SORBS2: variants seen among roughly 807,000 people sequenced by gnomAD.
SORBS2 encodes the protein sorbin and SH3 domain-containing protein 2.
In SORBS2, 46 loss-of-function variants were observed where a neutral mutation model predicts 97.7. The observed-to-expected ratio is 0.47, with a 90% CI of 0.37 to 0.60. SORBS2 has a LOEUF of 0.60. Among genes scored for constraint, SORBS2 ranks in the 20% least tolerant of loss-of-function variants. The pLI is 0.00. For synonymous variants in SORBS2, 476 were observed against 473.4 expected (o/e 1.01, Z -0.07); for missense variants, 1,316 against 1,282.3 (o/e 1.03, Z -0.40).
chr4:185,920,864 T>A (rs956791289), intron 1 of SORBS2, among the ~76,000 whole-genome samples: 1 of 152,208 alleles, frequency 6.6e-6, no homozygotes, highest in African/African-American at 2.4e-5. Context: ...ACAAAAGTCA[T>A]CTGTACAAAT....
intron 4 of SORBS2, among the ~76,000 whole-genome samples, chr4:185,672,940 A>G (rs2097734680): frequency 1.3e-5 from 2 of 152,250 alleles, no homozygotes; most frequent in Non-Finnish European, 2.9e-5. Context: ...GAAGCATATC[A>G]CAATCATCAA....
At chr4:185,912,351 G>A (rs534623968) in intron 1 of SORBS2, among the ~76,000 whole-genome samples, 156 of 151,950 alleles carry the variant, frequency 1.0e-3, no homozygotes, top group African/African-American at 3.6e-3. Flanking sequence ...TTGGAAGGCC[G>A]AGGCGGGTGG....
At chr4:185,912,603 A>G (rs902964113) in intron 1 of SORBS2, among the ~76,000 whole-genome samples, 1 of 151,276 alleles carries the variant, frequency 6.6e-6, no homozygotes, top group Non-Finnish European at 1.5e-5. Context: ...AAAAAAAAAA[A>G]AAAAAAAAGA....
intron 1 of SORBS2, among the ~76,000 whole-genome samples, chr4:185,922,649 T>G (rs2099261440): frequency 6.6e-6 from 1 of 152,240 alleles, no homozygotes; most frequent in South Asian, 2.1e-4. Flanking sequence ...TTCTCCTTCA[T>G]GAAATTACAG....
At chr4:185,793,853 C>T (rs898742932) in intron 1 of SORBS2, among the ~76,000 whole-genome samples, 29 of 152,120 alleles carry the variant, frequency 1.9e-4, no homozygotes, top group African/African-American at 6.3e-4. Context: ...TTACAGAGAC[C>T]AAGCCTGTGG....
At chr4:185,889,767 A>G (rs7656292) in intron 1 of SORBS2, among the ~76,000 whole-genome samples, 110,493 of 152,004 alleles carry the variant, frequency 0.73, 40,188 homozygotes, top group Middle Eastern at 0.82. Context: ...TCCATTGGAT[A>G]TAATGAGGCT....
chr4:185,903,214 A>G (rs957927728), intron 1 of SORBS2, among the ~76,000 whole-genome samples: 1 of 152,220 alleles, frequency 6.6e-6, no homozygotes, highest in African/African-American at 2.4e-5. Flanking sequence ...ATAGGAAATG[A>G]TTTGATATCT....
upstream of SORBS2, among the ~76,000 whole-genome samples, chr4:185,659,034 T>G (rs2097461779): frequency 6.6e-6 from 1 of 152,100 alleles, no homozygotes; most frequent in Non-Finnish European, 1.5e-5. Context: ...AAATTTTAAC[T>G]CATCAATATA....
At chr4:185,884,239 C>T (rs2099238244) in intron 1 of SORBS2, among the ~76,000 whole-genome samples, 1 of 152,082 alleles carries the variant, frequency 6.6e-6, no homozygotes, top group Non-Finnish European at 1.5e-5. Flanking sequence ...TTTATAGATC[C>T]TATATATGGG....
intron 4 of SORBS2, among the ~76,000 whole-genome samples, chr4:185,671,561 G>T (rs1363920817): frequency 6.6e-6 from 1 of 152,198 alleles, no homozygotes; most frequent in Non-Finnish European, 1.5e-5. Context: ...TTAGCACAGT[G>T]CCTGGTGTGC....
At chr4:185,822,907 C>T (rs914058398) in intron 1 of SORBS2, among the ~76,000 whole-genome samples, 21 of 152,188 alleles carry the variant, frequency 1.4e-4, no homozygotes, top group African/African-American at 5.1e-4. Flanking sequence ...AATAAAAACT[C>T]GAGACCCCAA....
chr4:185,589,674 C>T lies in SORBS2; in HGVS notation c.2953+5G>A. 6.4e-7 allele frequency: 1 copy of T among 1,571,444 alleles called. No homozygotes were observed. Among genetic ancestry groups the T allele is most frequent in the Non-Finnish European group, 8.8e-7 (1 of 1,141,446 alleles). ...CGAAGGTGCCTGAGGAAGAAGCGCA[C>T]ATACCCACAAACCAGCCGTCATCAC... On this transcript the variant is annotated splice_donor_5th_base_variant and intron_variant, in intron 14 of 14. Transcript: ENST00000418609.
At chr4:185,892,902 A>T (rs559657540) in intron 1 of SORBS2, among the ~76,000 whole-genome samples, 3 of 152,350 alleles carry the variant, frequency 2.0e-5, no homozygotes, top group East Asian at 3.9e-4. Context: ...ACACTTAAAA[A>T]TGGCTAAAAT....
At chr4:185,836,609 C>CGAG (rs34000209) in intron 1 of SORBS2, among the ~76,000 whole-genome samples, 24,605 of 151,930 alleles carry the variant, frequency 0.16, 2,105 homozygotes, top group South Asian at 0.3. Flanking sequence ...CGTGTCACAC[C>CGAG]GAGCCTCAGA....
At chr4:185,714,957 A>C (rs2098453552) in intron 2 of SORBS2, among the ~76,000 whole-genome samples, 1 of 152,250 alleles carries the variant, frequency 6.6e-6, no homozygotes, top group Non-Finnish European at 1.5e-5. Context: ...TTCAGAACAC[A>C]TGAGTCTATA....
rs1327093562 is a variant in SORBS2, at chr4:185,638,553, C to A, written c.397-7955G>T. Among the ~76,000 whole-genome samples the A allele has an allele frequency of 2.0e-5, 3 of 152,092 alleles. No homozygotes were observed. The East Asian group carries it at 5.8e-4, about 29-fold the overall frequency. ...CCAGTCACCAAATAGCTCTTTTGGG[C>A]GAGTCACTTCATCGTCCCTGCCCTC... On this transcript the variant is annotated intron_variant, in intron 4 of 14. Transcript: ENST00000418609.
chr4:185,687,800 G>A (rs1237124559), intron 2 of SORBS2, among the ~76,000 whole-genome samples: 11 of 152,164 alleles, frequency 7.2e-5, no homozygotes, highest in Non-Finnish European at 1.5e-4. Flanking sequence ...TAAAATTGCT[G>A]GAACAGAATG....
chr4:185,731,774 GTC>G (rs1248433267), intron 2 of SORBS2, among the ~76,000 whole-genome samples: 1 of 49,722 alleles, frequency 2.0e-5, no homozygotes, highest in Non-Finnish European at 3.7e-5. Context: ...CTCCCCGCCT[GTC>G]TCTCTCTCTT....
At chr4:185,658,851 ATTTTTGTACAAAATACAAACAAT>A (rs1214176835), upstream of SORBS2, among the ~76,000 whole-genome samples, 2 of 151,722 alleles carry the variant, frequency 1.3e-5, no homozygotes, top group African/African-American at 2.4e-5. Flanking sequence ...TGTACAAAAA[ATTTTTGTACAAAATACAAACAAT>A]TTTTTGTATT....
Sources: gnomAD v4.1 joint callset for allele counts (sites outside exome capture counted in the v4.1 genomes callset) on GRCh38, gnomAD v4.1.1 for gene constraint, MANE v1.5 for transcripts, NCBI Gene and HGNC (gene_info 2026-07-23, HGNC 2026-07-21) for gene names.